DLG2: variants seen among roughly 807,000 people sequenced by gnomAD.
DLG2 encodes the protein discs large MAGUK scaffold protein 2.
DLG2 carries 45 observed loss-of-function variants against 132.5 expected under a neutral mutation model. That is an observed-to-expected ratio of 0.34 (90% CI 0.27 to 0.44). The LOEUF (loss-of-function observed/expected upper bound fraction) is 0.44. DLG2 is among the 20% of genes least tolerant of loss of function. The probability of loss-of-function intolerance (pLI) is 1.00; values close to 1 mark genes in which losing one functional copy is unlikely to be tolerated. For missense variants in DLG2, 1,045 were observed against 1,196.9 expected, an observed-to-expected ratio of 0.87 and a Z score of 1.87; for synonymous variants, 424 against 419.6, an observed-to-expected ratio of 1.01 and a Z score of -0.13.
At chr11:84,791,862 T>G (rs2073896078) in intron 6 of DLG2, among the ~76,000 whole-genome samples, 1 of 152,188 alleles carries the variant, frequency 6.6e-6, no homozygotes, top group South Asian at 2.1e-4. Context: ...CCATGTAAGA[T>G]TATATCATCT....
At chr11:84,103,449 G>T (rs999888424) in intron 9 of DLG2, among the ~76,000 whole-genome samples, 2 of 152,012 alleles carry the variant, frequency 1.3e-5, no homozygotes, top group Non-Finnish European at 2.9e-5. Context: ...CTAATTAACC[G>T]AGTGTTGATC....
intron 6 of DLG2, among the ~76,000 whole-genome samples, chr11:84,961,888 ACAT>A (rs906523770): frequency 6.6e-6 from 1 of 152,104 alleles, no homozygotes; most frequent in Non-Finnish European, 1.5e-5. Context: ...CTTTCCAATC[ACAT>A]CCTCCTAAAA....
At chr11:84,756,610 G>A (rs2066910569) in intron 6 of DLG2, among the ~76,000 whole-genome samples, 1 of 152,150 alleles carries the variant, frequency 6.6e-6, no homozygotes, top group African/African-American at 2.4e-5. Context: ...GTAATATTAT[G>A]TGTAGATTCT....
chr11:83,840,754 C>G (rs1190391940), intron 16 of DLG2, among the ~76,000 whole-genome samples: 1 of 152,212 alleles, frequency 6.6e-6, no homozygotes, highest in Non-Finnish European at 1.5e-5. Flanking sequence ...CAGCTATGAA[C>G]TGCCAGTGTG....
At chr11:84,424,037 A>G (rs1353385829) in intron 7 of DLG2, among the ~76,000 whole-genome samples, 1 of 152,140 alleles carries the variant, frequency 6.6e-6, no homozygotes, top group Non-Finnish European at 1.5e-5. Flanking sequence ...ACAGAAGTCT[A>G]TTATACTAAT....
chr11:84,384,411 A>C (rs1364101385), intron 7 of DLG2, among the ~76,000 whole-genome samples: 1 of 152,080 alleles, frequency 6.6e-6, no homozygotes, highest in African/African-American at 2.4e-5. Context: ...TAAATGTATA[A>C]ATCTTCAAAT....
chr11:83,998,933 C>A (rs1231284582), intron 11 of DLG2, among the ~76,000 whole-genome samples: 2 of 152,182 alleles, frequency 1.3e-5, no homozygotes, highest in Admixed American at 1.3e-4. Flanking sequence ...AAGGCATGAA[C>A]TACAGCTATT....
intron 3 of DLG2, among the ~76,000 whole-genome samples, chr11:85,452,086 G>A (rs1250627311): frequency 6.6e-6 from 1 of 151,368 alleles, no homozygotes; most frequent in Non-Finnish European, 1.5e-5. Flanking sequence ...TACAAACTGT[G>A]GTATTTTTAT....
intron 7 of DLG2, among the ~76,000 whole-genome samples, chr11:84,446,315 T>C (rs1204173017): frequency 6.6e-6 from 1 of 152,104 alleles, no homozygotes; most frequent in African/African-American, 2.4e-5. Flanking sequence ...CATACTTAGT[T>C]TGTAGTCTTT....
At chr11:84,944,386 T>C (rs183804011) in intron 6 of DLG2, among the ~76,000 whole-genome samples, 10 of 152,208 alleles carry the variant, frequency 6.6e-5, no homozygotes, top group Admixed American at 5.2e-4. Flanking sequence ...TTTGAGGCTA[T>C]TTTCTAGGTC....
intron 8 of DLG2, among the ~76,000 whole-genome samples, chr11:84,172,287 T>C (rs1243909133): frequency 6.6e-6 from 1 of 152,154 alleles, no homozygotes; most frequent in Non-Finnish European, 1.5e-5. Flanking sequence ...TATTCCTTTC[T>C]TTAAATAAAC....
chr11:84,265,223 A>T (rs1331382062), intron 7 of DLG2, among the ~76,000 whole-genome samples: 1 of 152,220 alleles, frequency 6.6e-6, no homozygotes, highest in Non-Finnish European at 1.5e-5. Flanking sequence ...TTGTAAATGT[A>T]TATATTTGGG....
At chr11:85,397,117 C>G (rs1052777469) in intron 3 of DLG2, among the ~76,000 whole-genome samples, 2 of 152,122 alleles carry the variant, frequency 1.3e-5, no homozygotes, top group Non-Finnish European at 2.9e-5. Flanking sequence ...GAGCAGGGGC[C>G]AATATTCAAC....
At chr11:83,520,623 GTAGATAGGTAGGTAGGTAGA>G (rs1258954531) in intron 21 of DLG2, among the ~76,000 whole-genome samples, 2 of 109,728 alleles carry the variant, frequency 1.8e-5, no homozygotes, top group African/African-American at 6.3e-5. Context: ...AGACAGGTAG[GTAGATAGGTAGGTAGGTAGA>G]TAGATAGATA....
chr11:85,223,543 C>A (rs562794084), intron 4 of DLG2, among the ~76,000 whole-genome samples: 1 of 152,114 alleles, frequency 6.6e-6, no homozygotes, highest in East Asian at 1.9e-4. Flanking sequence ...AGAAGTCTAC[C>A]TGGGAGGATC....
At chr11:83,854,758 A>G (rs1055525363) in intron 16 of DLG2, among the ~76,000 whole-genome samples, 1 of 152,094 alleles carries the variant, frequency 6.6e-6, no homozygotes, top group South Asian at 2.1e-4. Context: ...GGACTTTTTT[A>G]TTTTATTAAA....
At chr11:83,945,804 C>CTGTGTG (rs1206327908) in intron 14 of DLG2, among the ~76,000 whole-genome samples, 1 of 62,216 alleles carries the variant, frequency 1.6e-5, no homozygotes, top group Admixed American at 2.0e-4. Flanking sequence ...AGAGAAATGC[C>CTGTGTG]TCTGTGTGTG....
intron 3 of DLG2, chr11:85,509,994 G>T (rs1286959477): frequency 6.6e-6 from 1 of 151,480 alleles, no homozygotes; most frequent in Non-Finnish European, 1.5e-5. Flanking sequence ...AAGATTAGCA[G>T]GGCCCCTACA....
chr11:83,838,926 G>C (rs2056910348), intron 16 of DLG2, among the ~76,000 whole-genome samples: 1 of 152,200 alleles, frequency 6.6e-6, no homozygotes, highest in South Asian at 2.1e-4. Flanking sequence ...AAATGGGAGA[G>C]AGTAAGATTC....
Sources: allele counts gnomAD v4.1 joint callset (sites outside exome capture counted in the v4.1 genomes callset), GRCh38; gene constraint gnomAD v4.1.1; transcripts MANE v1.5; gene names NCBI Gene and HGNC (gene_info 2026-07-23, HGNC 2026-07-21).